Variants in PACRG observed in about 807,000 individuals in gnomAD.
PACRG encodes parkin coregulated, also known as parkin coregulated gene protein.
Under a neutral mutation model 29.7 loss-of-function variants are expected in PACRG, and 29 were observed. That is an observed-to-expected ratio of 0.98 (90% CI 0.73 to 1.33). The LOEUF is 1.33. Among genes scored for constraint, PACRG ranks in the 40% most tolerant of loss-of-function variants. The probability of loss-of-function intolerance (pLI) is 0.00; values close to 1 mark genes in which losing one functional copy is unlikely to be tolerated. For missense variants in PACRG, 279 were observed against 316.2 expected (o/e 0.88, Z 0.89); for synonymous variants, 116 against 118.7 (o/e 0.98, Z 0.15).
At chr6:162,791,314 T>TG (rs201557911) in intron 1 of PACRG, among the ~76,000 whole-genome samples, 2 of 150,384 alleles carry the variant, frequency 1.3e-5, no homozygotes, top group African/African-American at 2.4e-5. Context: ...TTTGTTTGTT[T>TG]TTTTTTTTTT....
chr6:163,194,448 G>T (rs1780355784), intron 4 of PACRG, among the ~76,000 whole-genome samples: 1 of 150,870 alleles, frequency 6.6e-6, no homozygotes, highest in African/African-American at 2.4e-5. Flanking sequence ...ATTTCCATCT[G>T]TCTGCCTTTC....
rs377573281 is a variant in PACRG, at chr6:162,751,153, A to G, written c.156+22762A>G. 2.0e-5 allele frequency among the ~76,000 whole-genome samples: 3 copies of G among 149,000 alleles called. No individual in the cohort carries two copies. In the East Asian group the frequency reaches 5.8e-4, roughly 29 times the overall value. On this transcript the variant is annotated intron_variant, in intron 1 of 4. Transcript: ENST00000366888. ...TATGATACAAGCCATTTTAGAAATG[A>G]TTTTTTTTTTTACTCTTTAGAAAGC...
At chr6:163,298,806 A>C (rs1784879063) in intron 4 of PACRG, among the ~76,000 whole-genome samples, 2 of 152,164 alleles carry the variant, frequency 1.3e-5, no homozygotes, top group African/African-American at 4.8e-5. Flanking sequence ...ACGCATTCCA[A>C]CCTCAAGGTC....
chr6:162,744,681 G>T (rs1460754401), intron 1 of PACRG, among the ~76,000 whole-genome samples: 1 of 151,852 alleles, frequency 6.6e-6, no homozygotes, highest in Non-Finnish European at 1.5e-5. Flanking sequence ...CATAAGTTTT[G>T]GTATTCCCTT....
chr6:163,024,842 T>C (rs1461194693), intron 2 of PACRG, among the ~76,000 whole-genome samples: 2 of 152,148 alleles, frequency 1.3e-5, no homozygotes, highest in African/African-American at 2.4e-5. Context: ...TGCTAGTACA[T>C]TGAATCCAGC....
chr6:162,886,823 A>T (rs1794370409), intron 2 of PACRG, among the ~76,000 whole-genome samples: 1 of 152,180 alleles, frequency 6.6e-6, no homozygotes, highest in Admixed American at 6.5e-5. Context: ...AAAATTCTAG[A>T]TATCATTAAT....
chr6:162,756,311 T>A lies in PACRG; in HGVS notation c.156+27920T>A, dbSNP rs138893170. 3.7e-4 allele frequency among the ~76,000 whole-genome samples: 56 copies of A among 152,356 alleles called. No individual in the cohort carries two copies. The East Asian group carries it at 8.9e-3, about 24-fold the overall frequency. ...GATTATTTAATAATTGCTTTCTGTA[T>A]ATAGGTGCTCTAATATTGGGTGCAA... On this transcript the variant is annotated intron_variant, in intron 1 of 4. Transcript: ENST00000366888.
intron 4 of PACRG, among the ~76,000 whole-genome samples, chr6:163,118,085 C>T (rs1816097297): frequency 6.6e-6 from 1 of 152,180 alleles, no homozygotes; most frequent in Admixed American, 6.5e-5. Flanking sequence ...TATATATAGT[C>T]TCTGTGCATT....
intron 2 of PACRG, among the ~76,000 whole-genome samples, chr6:162,950,235 C>A (rs9456822): frequency 3.9e-5 from 6 of 152,204 alleles, no homozygotes; most frequent in African/African-American, 1.4e-4. Flanking sequence ...CGGTGGCTCA[C>A]GCCTATAATC....
At chr6:162,956,432 G>A (rs927675926) in intron 2 of PACRG, among the ~76,000 whole-genome samples, 1 of 152,148 alleles carries the variant, frequency 6.6e-6, no homozygotes, top group African/African-American at 2.4e-5. Context: ...ATAAATGTTG[G>A]TCAGGTCAAT....
At chr6:162,995,332 C>T (rs945345654) in intron 2 of PACRG, among the ~76,000 whole-genome samples, 49 of 151,230 alleles carry the variant, frequency 3.2e-4, no homozygotes, top group Non-Finnish European at 5.9e-4. Context: ...GGGCGCCCCT[C>T]CCCCAGCCTC....
chr6:162,727,973 C>T (rs916705461), upstream of PACRG: 3 of 600,852 alleles, frequency 5.0e-6, no homozygotes, highest in Non-Finnish European at 8.8e-6. Flanking sequence ...GTTGACCAGT[C>T]GCTTAGCAAC....
intron 4 of PACRG, among the ~76,000 whole-genome samples, chr6:163,279,759 A>G (rs1023470100): frequency 1.3e-5 from 2 of 152,150 alleles, no homozygotes; most frequent in African/African-American, 4.8e-5. Flanking sequence ...TATTATATCA[A>G]TGCTATGCTG....
At chr6:162,790,289 G>A (rs7746573) in intron 1 of PACRG, among the ~76,000 whole-genome samples, 2 of 152,108 alleles carry the variant, frequency 1.3e-5, no homozygotes, top group Non-Finnish European at 2.9e-5. Flanking sequence ...ATTCAGGCAG[G>A]CATGCTCATA....
At chr6:163,138,418 C>A (rs1817023890) in intron 4 of PACRG, among the ~76,000 whole-genome samples, 1 of 152,148 alleles carries the variant, frequency 6.6e-6, no homozygotes, top group South Asian at 2.1e-4. Flanking sequence ...AAGAGGCAGT[C>A]CCCAACCTTT....
At chr6:163,013,125 G>A (rs1017273346) in intron 2 of PACRG, among the ~76,000 whole-genome samples, 3 of 151,648 alleles carry the variant, frequency 2.0e-5, no homozygotes, top group Non-Finnish European at 2.9e-5. Context: ...ATGTTTTCCT[G>A]TTTGTTTTTA....
intron 3 of PACRG, among the ~76,000 whole-genome samples, chr6:163,084,977 C>T (rs1039512912): frequency 6.6e-6 from 1 of 151,492 alleles, no homozygotes; most frequent in African/African-American, 2.4e-5. Context: ...TTTATTGCAA[C>T]CTTCGGCGGG....
At chr6:163,156,907 G>A (rs1009407520) in intron 4 of PACRG, among the ~76,000 whole-genome samples, 2 of 152,254 alleles carry the variant, frequency 1.3e-5, no homozygotes, top group Non-Finnish European at 2.9e-5. Context: ...AAGGACCATC[G>A]TGATTATACT....
At chr6:162,727,838 G>A, upstream of PACRG, 1 of 663,610 alleles carries the variant, frequency 1.5e-6, no homozygotes, top group Non-Finnish European at 2.5e-6. Context: ...GGGCCTGCTG[G>A]GAGTCGTAGT....
Sources: allele counts gnomAD v4.1 joint callset (sites outside exome capture counted in the v4.1 genomes callset), GRCh38; gene constraint gnomAD v4.1.1; transcripts MANE v1.5; gene names NCBI Gene and HGNC (gene_info 2026-07-23, HGNC 2026-07-21).